The following DHH variants were observed in gnomAD, a reference collection of about 807,000 sequenced individuals.
DHH encodes desert hedgehog signaling molecule.
In DHH, 16 loss-of-function variants were observed where a neutral mutation model predicts 27.6. The ratio of observed to expected loss-of-function variants is 0.58; its 90% CI spans 0.39 to 0.88. DHH has a LOEUF of 0.88. Among genes scored for constraint, DHH ranks in the 40% least tolerant of loss-of-function variants. The pLI, the probability that DHH is intolerant of heterozygous loss-of-function variation, is 0.00. For synonymous variants in DHH, 289 were observed against 263.4 expected, an observed-to-expected ratio of 1.10 and a Z score of -0.94; for missense variants, 436 against 563.1, an observed-to-expected ratio of 0.77 and a Z score of 2.28.
Position 49,094,648 on chromosome 12 carries a change from G to A in DHH, c.-136C>T. Reference sequence around the variant, plus strand: ...AGTGCCCTAGAGCTCTTGTGGCTCCGTGCACCTGGCTGCTGCTAGCTCTGC... The same window carrying A: ...AGTGCCCTAGAGCTCTTGTGGCTCCATGCACCTGGCTGCTGCTAGCTCTGC... On this transcript the variant is annotated 5_prime_UTR_variant, in exon 1 of 3. In the 5' UTR this introduces an upstream ATG that the reference lacks. Coordinates refer to ENST00000649637, the MANE Select transcript of DHH (RefSeq NM_021044.4). The A allele has an allele frequency of 2.8e-6, 3 of 1,064,750 alleles. No homozygotes were observed. The highest frequency in any genetic ancestry group is 2.8e-6 in the Non-Finnish European group (2 of 712,602). The allele number at this position is 1,064,750 out of a possible 1,614,324, so 66.0% of individuals were successfully genotyped here.
In DHH at chr12:49,091,468, T is replaced by C; in HGVS notation, c.304-79A>G. 6.4e-7 allele frequency: 1 copy of C among 1,574,546 alleles called. No homozygotes were observed. Among genetic ancestry groups the C allele is most frequent in the Non-Finnish European group, 8.6e-7 (1 of 1,163,076 alleles). The stretch of plus-strand genomic sequence containing the variant: ...GACCTGGATAGGAGGGTTGATTCTT[T>C]GTTATTCCGGCCCTACTCTTACCCC... On this transcript the variant is annotated intron_variant, in intron 1 of 2. Coordinates refer to ENST00000649637, the MANE Select transcript of DHH (RefSeq NM_021044.4). The surrounding 1 kb of genome is among the most constrained non-coding windows in gnomAD (Gnocchi z 4.8).
Position 49,090,824 on chromosome 12 carries a change from C to T in DHH, c.565+304G>A, listed in dbSNP as rs961771189. Among the ~76,000 whole-genome samples, 13 of 152,156 alleles carry T rather than the reference C, an allele frequency of 8.5e-5. No individual in the cohort carries two copies. Among genetic ancestry groups the T allele is most frequent in the South Asian group, 2.1e-4 (1 of 4,834 alleles). ...TCAAGTGATTCTCGTGCCTCAGCCT[C>T]ACGAGTAGCCGGGATTACAGGCATA... On this transcript the variant is annotated intron_variant, in intron 2 of 2. Transcript: ENST00000649637. The surrounding 1 kb of genome is among the most constrained non-coding windows in gnomAD (Gnocchi z 5.2).
In DHH at chr12:49,090,294, T is replaced by C. The variant is rs1268750544; in HGVS notation, c.756A>G (p.Ser252=). Residue 252 remains serine, a synonymous_variant, in exon 3 of 3, where the codon TCA becomes TCG. Transcript: ENST00000649637. This position sits in a 1 kb window ranked among gnomAD's most constrained non-coding sequence, Gnocchi z 5.2. ...GCCACTCGGTCTCCACAGCCACAAATGAAGCCCGGCGCTGCAAGTCCCGGT... is the reference window on the plus strand; with the variant it reads ...GCCACTCGGTCTCCACAGCCACAAACGAAGCCCGGCGCTGCAAGTCCCGGT... The part of the protein sequence containing the change: ...FLDRDLQRRA[S]FVAVETEWPP... 1.9e-6 allele frequency: 3 copies of C among 1,588,298 alleles called. No individual in the cohort carries two copies. The Admixed American group carries it at 5.4e-5, about 28-fold the overall frequency.
rs1324801650 is a variant in DHH at position 49,088,062 on chromosome 12, C to A, written c.*1797G>T. Among the ~76,000 whole-genome samples, 1 of 152,118 alleles carries A rather than the reference C, an allele frequency of 6.6e-6. No individual in the cohort carries two copies. The highest frequency in any genetic ancestry group is 6.5e-5 in the Admixed American group (1 of 15,272). ...CCCTATTATGCTTTCACCTCCTTGA[C>A]AATTGAACTCAAGGGTCATGAGGGT... is the stretch of plus-strand genomic sequence containing the variant. On this transcript the variant is annotated 3_prime_UTR_variant, in exon 3 of 3. Transcript: ENST00000649637.
chr12:49,088,382 T>C lies in DHH; in HGVS notation c.*1477A>G, dbSNP rs1286277610. Among the ~76,000 whole-genome samples the C allele has an allele frequency of 6.6e-6, 1 of 152,196 alleles. No homozygotes were observed. The highest frequency in any genetic ancestry group is 1.5e-5 in the Non-Finnish European group (1 of 68,024). Reference sequence around the variant, plus strand: ...CCTTCCATGTCTGAGACCGCTTGCCTTCCGTTTCAGAGAACCATATGCATA... The same window carrying C: ...CCTTCCATGTCTGAGACCGCTTGCCCTCCGTTTCAGAGAACCATATGCATA... On this transcript the variant is annotated 3_prime_UTR_variant, in exon 3 of 3. Coordinates refer to ENST00000649637, the MANE Select transcript of DHH (RefSeq NM_021044.4).
At chr12:49,093,227 C>T (rs1939335740) in intron 1 of DHH, 1 of 152,114 alleles carries the variant, frequency 6.6e-6, no homozygotes. Context: ...GGAGGAATGT[C>T]ATCTCTCAAG....
chr12:49,090,413 G>C lies in DHH; in HGVS notation c.637C>G (p.Arg213Gly). The part of the protein sequence containing the change: ...NATVRLWSGE[R>G]KGLRELHRGD... ...CGGTGCAGTTCCCGCAGCCCTTTCC[G>C]CTCGCCGCTCCACAGGCGCACAGTT... The change falls in exon 3 of 3, where the codon CGG becomes GGG. Residue 213 changes from arginine (R) to glycine (G), a missense_variant. Physicochemically the swap from Arg to Gly is moderately radical, Grantham distance 125. Transcript: ENST00000649637. This position sits in a 1 kb window ranked among gnomAD's most constrained non-coding sequence, Gnocchi z 5.2. 6.2e-7 allele frequency: 1 copy of C among 1,609,352 alleles called. No individual in the cohort carries two copies. The highest frequency in any genetic ancestry group is 8.5e-7 in the Non-Finnish European group (1 of 1,179,096).
At position 49,090,327 on chromosome 12, in the gene DHH, G is replaced by GAGCA. The variant is rs1939275149; in HGVS notation, c.719_722dup (p.Phe242AlafsTer176). The GAGCA allele has an allele frequency of 1.2e-6, 2 of 1,605,350 alleles. No individual in the cohort carries two copies. Among genetic ancestry groups the GAGCA allele is most frequent in the African/African-American group, 2.7e-5 (2 of 74,878 alleles). On this transcript the variant is annotated frameshift_variant, in exon 3 of 3. Coordinates refer to ENST00000649637, the MANE Select transcript of DHH (RefSeq NM_021044.4). LOFTEE classifies it high-confidence loss of function. The surrounding 1 kb of genome is among the most constrained non-coding windows in gnomAD (Gnocchi z 5.2). ...GGCGCTGCAAGTCCCGGTCCAGGAA[G>GAGCA]AGCAGCACCGGCGTGGGCACCACCC... is the stretch of plus-strand genomic sequence containing the variant.
chr12:49,089,086 G>A lies in DHH; in HGVS notation c.*773C>T, dbSNP rs1939251048. Among the ~76,000 whole-genome samples the A allele has an allele frequency of 6.6e-6, 1 of 152,262 alleles. No individual in the cohort carries two copies. Among genetic ancestry groups the A allele is most frequent in the African/African-American group, 2.4e-5 (1 of 41,472 alleles). On this transcript the variant is annotated 3_prime_UTR_variant, in exon 3 of 3. Transcript: ENST00000649637. Reference sequence around the variant, plus strand: ...AACAATAGGGGACTAGATGCTTTGAGTATCAGTACTCATAGGGGCCTGAGC... The same window carrying A: ...AACAATAGGGGACTAGATGCTTTGAATATCAGTACTCATAGGGGCCTGAGC...
Position 49,086,982 on chromosome 12 carries a change from G to A in DHH, c.*2877C>T, listed in dbSNP as rs532915533. Among the ~76,000 whole-genome samples, 73 of 152,280 alleles carry A rather than the reference G, an allele frequency of 4.8e-4. No homozygotes were observed. Among genetic ancestry groups the A allele is most frequent in the African/African-American group, 1.7e-3 (69 of 41,574 alleles). ...AAAGAATAGAAAACATTTACTGAGC[G>A]CCTACTCCACATCCAGCACAATCCT... is the stretch of plus-strand genomic sequence containing the variant. On this transcript the variant is annotated 3_prime_UTR_variant, in exon 3 of 3. Coordinates refer to ENST00000649637, the MANE Select transcript of DHH (RefSeq NM_021044.4).
rs1939308387 is a variant in DHH at position 49,091,751 on chromosome 12, C to CCCCTGTTAGAGCTCCT, written c.304-363_304-362insAGGAGCTCTAACAGGG. ...TGGTCAGGGAGGGCCTGGTTGCTCCCGGAGAGCCCCTGTTTGAGCCTGGCC... is the reference window on the plus strand; with the variant it reads ...TGGTCAGGGAGGGCCTGGTTGCTCCCCCCTGTTAGAGCTCCTGGAGAGCCCCTGTTTGAGCCTGGCC... On this transcript the variant is annotated intron_variant, in intron 1 of 2. Coordinates refer to ENST00000649637, the MANE Select transcript of DHH (RefSeq NM_021044.4). The surrounding 1 kb of genome is among the most constrained non-coding windows in gnomAD (Gnocchi z 4.8). Among the ~76,000 whole-genome samples, 1 of 152,170 alleles carries CCCCTGTTAGAGCTCCT rather than the reference C, an allele frequency of 6.6e-6. No homozygotes were observed. Among genetic ancestry groups the CCCCTGTTAGAGCTCCT allele is most frequent in the Admixed American group, 6.5e-5 (1 of 15,270 alleles).
rs1174921772 is a variant in DHH at position 49,087,676 on chromosome 12, G to A, written c.*2183C>T. On this transcript the variant is annotated 3_prime_UTR_variant, in exon 3 of 3. Transcript: ENST00000649637. ...CAAGGTCACACCACTGCACTCCAGC[G>A]TGGGCAACAGAGCGAGATCCTGTCT... 6.6e-6 allele frequency among the ~76,000 whole-genome samples: 1 copy of A among 152,168 alleles called. No individual in the cohort carries two copies. Among genetic ancestry groups the A allele is most frequent in the Non-Finnish European group, 1.5e-5 (1 of 68,034 alleles).
Position 49,090,055 on chromosome 12 carries a change from C to G in DHH, c.995G>C (p.Gly332Ala). 3.9e-6 allele frequency: 6 copies of G among 1,541,890 alleles called. No individual in the cohort carries two copies. Among genetic ancestry groups the G allele is most frequent in the Non-Finnish European group, 5.2e-6 (6 of 1,144,928 alleles). ...VGVFAPLTAH[G>A]TLLVNDVLAS... ...CAGGACATCGTTCACCAGCAGCGTC[C>G]CGTGCGCGGTGAGCGGCGCGAACAC... The change falls in exon 3 of 3, where the codon GGG becomes GCG. Residue 332 changes from glycine to alanine, a missense_variant. By Grantham distance (60) the Gly-to-Ala change is moderately conservative. Transcript: ENST00000649637. This position sits in a 1 kb window ranked among gnomAD's most constrained non-coding sequence, Gnocchi z 5.2.
At position 49,090,532 on chromosome 12, in the gene DHH, A is replaced by G. The variant is rs906094568; in HGVS notation, c.566-48T>C. ...GGATTGAATCAAGACCAGCGGTTCCAGAACGATTCTCAAGGCCAGCGCAGA... is the reference window on the plus strand; with the variant it reads ...GGATTGAATCAAGACCAGCGGTTCCGGAACGATTCTCAAGGCCAGCGCAGA... On this transcript the variant is annotated intron_variant, in intron 2 of 2. Coordinates refer to ENST00000649637, the MANE Select transcript of DHH (RefSeq NM_021044.4). This position sits in a 1 kb window ranked among gnomAD's most constrained non-coding sequence, Gnocchi z 5.2. 14 of 1,588,040 alleles carry G rather than the reference A, an allele frequency of 8.8e-6. No homozygotes were observed. Among genetic ancestry groups the G allele is most frequent in the African/African-American group, 1.3e-5 (1 of 74,800 alleles).
chr12:49,088,807 G>C lies in DHH; in HGVS notation c.*1052C>G, dbSNP rs1939247256. ...CGGGTTGTAATGCTGATATGCCCTTGTTTAGGGAATCTACTTCCCCCACAT... is the reference window on the plus strand; with the variant it reads ...CGGGTTGTAATGCTGATATGCCCTTCTTTAGGGAATCTACTTCCCCCACAT... On this transcript the variant is annotated 3_prime_UTR_variant, in exon 3 of 3. Transcript: ENST00000649637. Among the ~76,000 whole-genome samples the C allele has an allele frequency of 6.6e-6, 1 of 152,166 alleles. No homozygotes were observed. Among genetic ancestry groups the C allele is most frequent in the Admixed American group, 6.5e-5 (1 of 15,274 alleles).
chr12:49,089,930 C>A lies in DHH; in HGVS notation c.1120G>T (p.Ala374Ser). ...HALGALLPGG[A>S]VQPTGMHWYS... ...CAATGCATGCCAGTCGGCTGGACGG[C>A]CCCGCCGGGGAGCAGCGCCCCTAGC... Residue 374 changes from alanine to serine, a missense_variant, in exon 3 of 3, where the codon GCC becomes TCC. Physicochemically the swap from Ala to Ser is moderately conservative, Grantham distance 99. Transcript: ENST00000649637. The A allele has an allele frequency of 6.3e-7, 1 of 1,586,462 alleles. No homozygotes were observed. The highest frequency in any genetic ancestry group is 8.6e-7 in the Non-Finnish European group (1 of 1,167,316).
rs1939263243 is a variant in DHH at position 49,089,874 on chromosome 12, C to T, written c.1176G>A (p.Glu392=). The change falls in exon 3 of 3, where the codon GAG becomes GAA. Residue 392 remains glutamate (E), a synonymous_variant. Coordinates refer to ENST00000649637, the MANE Select transcript of DHH (RefSeq NM_021044.4). The part of the protein sequence containing the change: ...WYSRLLYRLA[E]ELLG ...CCTGGGACGCTCAGCCCAGTAGCTC[C>T]TCCGCTAAGCGGTAGAGGAGCCGAG... The T allele has an allele frequency of 6.4e-7, 1 of 1,572,308 alleles. No homozygotes were observed. Among genetic ancestry groups the T allele is most frequent in the Non-Finnish European group, 8.6e-7 (1 of 1,158,060 alleles).
In DHH at chr12:49,090,636, C is replaced by CTTTCT; in HGVS notation, c.566-157_566-153dup. The CTTTCT allele has an allele frequency of 4.1e-6, 4 of 971,184 alleles. No homozygotes were observed. Among genetic ancestry groups the CTTTCT allele is most frequent in the East Asian group, 5.3e-5 (2 of 38,016 alleles). The allele number at this position is 971,184 out of a possible 1,614,324, so 60.2% of individuals were successfully genotyped here. A position where few individuals can be genotyped will look rare whatever the true frequency, so the allele number is the denominator to read the frequency against. ...GGGCAGAAAAGGAAGGGCGGTTTTT[C>CTTTCT]TTTCTTTTCTTTTCCTTTTTCTTCT... On this transcript the variant is annotated intron_variant, in intron 2 of 2. Transcript: ENST00000649637. This position sits in a 1 kb window ranked among gnomAD's most constrained non-coding sequence, Gnocchi z 5.2.
At chr12:49,094,188 G>T in intron 1 of DHH, 22 bp downstream of exon 1, 1 of 1,613,134 alleles carries the variant, frequency 6.2e-7, no homozygotes, top group Non-Finnish European at 8.5e-7. Flanking sequence ...CCCCGGCGCA[G>T]GTAGGGAGAG....
Sources: allele counts gnomAD v4.1 joint callset (sites outside exome capture counted in the v4.1 genomes callset), GRCh38; gene constraint gnomAD v4.1.1; non-coding constraint Gnocchi (gnomAD v3.1); transcripts MANE v1.5; gene names NCBI Gene and HGNC (gene_info 2026-07-23, HGNC 2026-07-21).